Variants in SBF2 observed in about 807,000 individuals in gnomAD.
The protein encoded by SBF2 is SET binding factor 2.
SBF2 carries 112 observed loss-of-function variants against 225.2 expected under a neutral mutation model. The observed-to-expected ratio is 0.50, with a 90% CI of 0.43 to 0.58. The LOEUF (loss-of-function observed/expected upper bound fraction) is 0.58, where lower values mean the gene tolerates loss of function less well. SBF2 is among the 20% of genes least tolerant of loss of function. SBF2 has a pLI of 0.00. For missense variants in SBF2, 1,996 were observed against 2,206.2 expected, an observed-to-expected ratio of 0.90 and a Z score of 1.91; for synonymous variants, 763 against 773.3, an observed-to-expected ratio of 0.99 and a Z score of 0.22.
At chr11:10,079,536 TAGACAAAAGTTTTTTAA>T (rs1394988851) in intron 2 of SBF2, among the ~76,000 whole-genome samples, 1 of 152,136 alleles carries the variant, frequency 6.6e-6, no homozygotes, top group Non-Finnish European at 1.5e-5. Flanking sequence ...TTAATCCAGT[TAGACAAAAGTTTTTTAA>T]AAAAGGATTT....
chr11:9,973,221 C>T (rs1372799435), intron 13 of SBF2, among the ~76,000 whole-genome samples: 1 of 152,212 alleles, frequency 6.6e-6, no homozygotes, highest in Non-Finnish European at 1.5e-5. Context: ...TTAAAAACAT[C>T]TGCTTTTACT....
chr11:10,285,976 A>C (rs2135572159), intron 1 of SBF2, among the ~76,000 whole-genome samples: 1 of 152,286 alleles, frequency 6.6e-6, no homozygotes, highest in South Asian at 2.1e-4. Context: ...GCAAATTAAA[A>C]CCACAAATGA....
chr11:10,042,742 C>A, intron 3 of SBF2, 102 bp downstream of exon 3: 1 of 1,208,824 alleles, frequency 8.3e-7, no homozygotes. Context: ...TATGCTAGCC[C>A]ATAAAACTCA....
chr11:9,915,996 G>T (rs986700574), intron 16 of SBF2, among the ~76,000 whole-genome samples: 1 of 152,094 alleles, frequency 6.6e-6, no homozygotes, highest in Admixed American at 6.6e-5. Flanking sequence ...CCTGGGAGGC[G>T]GAGGTTGCAG....
chr11:10,176,897 AT>A (rs1956491168), intron 2 of SBF2, among the ~76,000 whole-genome samples: 1 of 152,196 alleles, frequency 6.6e-6, no homozygotes, highest in South Asian at 2.1e-4. Context: ...AAAAAAGAAA[AT>A]TTTAGACCAA....
At chr11:9,907,537 A>C (rs1018970473) in intron 16 of SBF2, among the ~76,000 whole-genome samples, 3 of 152,220 alleles carry the variant, frequency 2.0e-5, no homozygotes, top group African/African-American at 7.2e-5. Context: ...TTCAGCTTCA[A>C]GTTATATTTT....
intron 2 of SBF2, among the ~76,000 whole-genome samples, chr11:10,183,883 G>A (rs756012078): frequency 2.8e-4 from 42 of 152,204 alleles, no homozygotes; most frequent in Non-Finnish European, 4.6e-4. Flanking sequence ...AACAGACACA[G>A]AGTCATAGCT....
intron 2 of SBF2, among the ~76,000 whole-genome samples, chr11:10,186,695 G>C (rs1565333632): frequency 1.3e-5 from 2 of 151,998 alleles, no homozygotes; most frequent in Non-Finnish European, 2.9e-5. Flanking sequence ...CTCCCCACTG[G>C]GGGTGAAAGT....
intron 16 of SBF2, chr11:9,959,998 T>C: frequency 3.4e-6 from 1 of 297,266 alleles, no homozygotes; most frequent in Admixed American, 4.3e-5. Context: ...TTTTTTCTTT[T>C]TTAAAGAGAT....
chr11:9,935,813 G>A (rs1864854706), intron 16 of SBF2, among the ~76,000 whole-genome samples: 1 of 152,072 alleles, frequency 6.6e-6, no homozygotes, highest in South Asian at 2.1e-4. Flanking sequence ...AATTCAAGAT[G>A]GATTAAAGAC....
At chr11:10,044,201 G>T (rs1054230018) in intron 2 of SBF2, among the ~76,000 whole-genome samples, 14 of 151,426 alleles carry the variant, frequency 9.2e-5, no homozygotes, top group Non-Finnish European at 1.5e-4. Context: ...AAAATAAAAG[G>T]CTGCTTCTTT....
At chr11:9,884,350 T>G (rs1405283503) in intron 17 of SBF2, among the ~76,000 whole-genome samples, 2 of 151,578 alleles carry the variant, frequency 1.3e-5, no homozygotes, top group Non-Finnish European at 2.9e-5. Context: ...TTTTTGAGTC[T>G]GATCATTTAA....
chr11:10,196,866 A>ATATATATATATATATATTTT, intron 1 of SBF2, among the ~76,000 whole-genome samples: 7 of 99,314 alleles, frequency 7.0e-5, no homozygotes, highest in African/African-American at 2.4e-4. Context: ...ATATATATAT[A>ATATATATATATATATATTTT]TTTTTTTTTT....
intron 1 of SBF2, among the ~76,000 whole-genome samples, chr11:10,203,574 C>G (rs1287387351): frequency 8.6e-5 from 13 of 151,960 alleles, no homozygotes. Context: ...CTCTAACATG[C>G]AAACAAAAAT....
chr11:9,935,845 A>T (rs1376437469), intron 16 of SBF2, among the ~76,000 whole-genome samples: 3 of 152,224 alleles, frequency 2.0e-5, no homozygotes, highest in Admixed American at 6.5e-5. Context: ...ACCTAAAACC[A>T]TAAAAACCCT....
At chr11:10,260,926 GA>G (rs1239969440) in intron 1 of SBF2, among the ~76,000 whole-genome samples, 6 of 147,372 alleles carry the variant, frequency 4.1e-5, no homozygotes, top group Admixed American at 2.0e-4. Context: ...AGGGAGAAAA[GA>G]AAAAAAAATA....
intron 17 of SBF2, among the ~76,000 whole-genome samples, chr11:9,873,131 G>A (rs910351194): frequency 2.0e-5 from 3 of 149,440 alleles, no homozygotes; most frequent in East Asian, 3.9e-4. Context: ...GCTTGAACCC[G>A]GGAGGTGCAG....
chr11:10,212,613 T>C (rs953981526), intron 1 of SBF2, among the ~76,000 whole-genome samples: 7 of 152,202 alleles, frequency 4.6e-5, no homozygotes, highest in Non-Finnish European at 1.0e-4. Context: ...CATTGGACCT[T>C]AAGTGTTCTC....
At chr11:9,878,556 T>C (rs1859481451) in intron 17 of SBF2, among the ~76,000 whole-genome samples, 1 of 152,224 alleles carries the variant, frequency 6.6e-6, no homozygotes, top group South Asian at 2.1e-4. Context: ...TCTGTGTACA[T>C]ATAGTCTGTC....
Sources: gnomAD v4.1 joint callset for allele counts (sites outside exome capture counted in the v4.1 genomes callset) on GRCh38, gnomAD v4.1.1 for gene constraint, MANE v1.5 for transcripts, NCBI Gene and HGNC (gene_info 2026-07-23, HGNC 2026-07-21) for gene names.